TCF20: variants seen among roughly 807,000 people sequenced by gnomAD.
TCF20 encodes the protein transcription factor 20.
In TCF20, 3 loss-of-function variants were observed where a neutral mutation model predicts 148.6. That is an observed-to-expected ratio of 0.02 (90% CI 0.01 to 0.05). The LOEUF (loss-of-function observed/expected upper bound fraction) is 0.05, where lower values mean the gene tolerates loss of function less well. Among genes scored for constraint, TCF20 ranks in the 10% least tolerant of loss-of-function variants. The pLI, the probability that TCF20 is intolerant of heterozygous loss-of-function variation, is 1.00. For synonymous variants in TCF20, 1,049 were observed against 909.5 expected, an observed-to-expected ratio of 1.15 and a Z score of -2.76; for missense variants, 2,350 against 2,429.3, an observed-to-expected ratio of 0.97 and a Z score of 0.69.
intron 2 of TCF20, among the ~76,000 whole-genome samples, chr22:42,183,628 A>G (rs1936891131): frequency 6.6e-6 from 1 of 152,216 alleles, no homozygotes; most frequent in Non-Finnish European, 1.5e-5. Context: ...CCAGCCCAGT[A>G]AGACACCTGT....
At chr22:42,180,438 G>A (rs1011030997) in intron 2 of TCF20, among the ~76,000 whole-genome samples, 7 of 152,196 alleles carry the variant, frequency 4.6e-5, no homozygotes, top group Non-Finnish European at 8.8e-5. Flanking sequence ...TGATGTGGCT[G>A]CTGTGAGTGC....
At chr22:42,170,264 C>T (rs772583015) in intron 3 of TCF20, among the ~76,000 whole-genome samples, 3 of 150,632 alleles carry the variant, frequency 2.0e-5, no homozygotes, top group Non-Finnish European at 4.4e-5. Flanking sequence ...TTTGGGAGGC[C>T]GAGGCAGAAA....
intron 1 of TCF20, among the ~76,000 whole-genome samples, chr22:42,337,698 T>C (rs532817486): frequency 3.3e-5 from 5 of 152,354 alleles, no homozygotes; most frequent in African/African-American, 9.6e-5. Context: ...AAAGAGAACA[T>C]GTTGATTTAT....
chr22:42,314,920 G>A (rs1040611951), intron 1 of TCF20, among the ~76,000 whole-genome samples: 33 of 152,052 alleles, frequency 2.2e-4, no homozygotes, highest in African/African-American at 6.8e-4. Flanking sequence ...GTGGCAGAGC[G>A]GAAGGCCCTC....
At chr22:42,337,406 C>G (rs1346900371) in intron 1 of TCF20, among the ~76,000 whole-genome samples, 2 of 152,210 alleles carry the variant, frequency 1.3e-5, no homozygotes, top group Non-Finnish European at 2.9e-5. Flanking sequence ...CATTCCCCAC[C>G]TTCCTGCCTG....
At chr22:42,313,925 A>G (rs1219955233) in intron 1 of TCF20, among the ~76,000 whole-genome samples, 2 of 152,120 alleles carry the variant, frequency 1.3e-5, no homozygotes, top group Admixed American at 1.3e-4. Flanking sequence ...CTCAGGGAAC[A>G]CCTTTGCCCC....
chr22:42,282,515 G>T (rs1327323659), intron 1 of TCF20, among the ~76,000 whole-genome samples: 1 of 152,236 alleles, frequency 6.6e-6, no homozygotes, highest in Admixed American at 6.5e-5. Flanking sequence ...CACTGTAGCC[G>T]GGGGAGCGCC....
chr22:42,207,829 A>G (rs181187691), intron 2 of TCF20, among the ~76,000 whole-genome samples: 71 of 152,310 alleles, frequency 4.7e-4, no homozygotes, highest in African/African-American at 1.7e-3. Flanking sequence ...AAAGAAAAAA[A>G]AATCAAGACA....
At chr22:42,341,236 A>AC (rs961327695) in intron 1 of TCF20, among the ~76,000 whole-genome samples, 14 of 151,920 alleles carry the variant, frequency 9.2e-5, no homozygotes, top group Non-Finnish European at 1.9e-4. Context: ...AGACGCCGTC[A>AC]CCCCGGGGGA....
At chr22:42,251,200 TTC>T (rs933683231) in intron 1 of TCF20, among the ~76,000 whole-genome samples, 6 of 152,302 alleles carry the variant, frequency 3.9e-5, no homozygotes, top group Admixed American at 6.5e-5. Context: ...TAAGTGGTTT[TTC>T]TGTTTGTTTA....
chr22:42,272,375 C>T (rs1926655177), upstream of TCF20, among the ~76,000 whole-genome samples: 1 of 152,166 alleles, frequency 6.6e-6, no homozygotes. Context: ...TTGGGGGCAC[C>T]CTTAATTTCT....
intron 1 of TCF20, among the ~76,000 whole-genome samples, chr22:42,336,221 AG>A (rs972886528): frequency 2.0e-5 from 3 of 152,150 alleles, no homozygotes. Flanking sequence ...GGGTGTGTCC[AG>A]GGCAGCAAAC....
chr22:42,248,308 T>C (rs1925088491), intron 1 of TCF20, among the ~76,000 whole-genome samples: 2 of 152,212 alleles, frequency 1.3e-5, no homozygotes, highest in African/African-American at 2.4e-5. Context: ...TGAAGCCACA[T>C]AGAGTTGCAT....
At chr22:42,319,401 C>T (rs1927692402) in intron 1 of TCF20, among the ~76,000 whole-genome samples, 1 of 152,182 alleles carries the variant, frequency 6.6e-6, no homozygotes, top group South Asian at 2.1e-4. Flanking sequence ...CCATGGAAAG[C>T]CATGGGGGCT....
At chr22:42,337,265 C>T (rs528613497) in intron 1 of TCF20, among the ~76,000 whole-genome samples, 197 of 152,178 alleles carry the variant, frequency 1.3e-3, no homozygotes, top group Admixed American at 4.2e-3. Context: ...TCCCCCTTAT[C>T]CTCTCCCTGG....
At chr22:42,312,603 A>ACCCATTC in intron 1 of TCF20, among the ~76,000 whole-genome samples, 1 of 152,040 alleles carries the variant, frequency 6.6e-6, no homozygotes, top group East Asian at 1.9e-4. Flanking sequence ...CTCTATTATC[A>ACCCATTC]CCCATTCCCC....
intron 1 of TCF20, among the ~76,000 whole-genome samples, chr22:42,268,607 T>C (rs1926420142): frequency 1.3e-5 from 2 of 152,178 alleles, no homozygotes. Flanking sequence ...TCCTCCAAAA[T>C]CCCCTGCGTA....
At chr22:42,165,487 C>T (rs1935728350) in intron 5 of TCF20, among the ~76,000 whole-genome samples, 2 of 152,244 alleles carry the variant, frequency 1.3e-5, no homozygotes, top group South Asian at 4.1e-4. Flanking sequence ...CAACCAATGA[C>T]ACAAGCCAGC....
At chr22:42,179,175 G>C (rs1936624868) in intron 3 of TCF20, among the ~76,000 whole-genome samples, 1 of 151,980 alleles carries the variant, frequency 6.6e-6, no homozygotes, top group Non-Finnish European at 1.5e-5. Flanking sequence ...TTCCTTAAAA[G>C]GTTAAACAGA....
Sources: allele counts gnomAD v4.1 joint callset (sites outside exome capture counted in the v4.1 genomes callset), GRCh38; gene constraint gnomAD v4.1.1; transcripts MANE v1.5; gene names NCBI Gene and HGNC (gene_info 2026-07-23, HGNC 2026-07-21).